The following SMARCC2 variants were observed in gnomAD, a reference collection of about 807,000 sequenced individuals.
SMARCC2 encodes the protein SWI/SNF related BAF chromatin remodeling complex subunit C2, also known as SWI/SNF complex subunit SMARCC2.
Under a neutral mutation model 151.3 loss-of-function variants are expected in SMARCC2, and 15 were observed. The observed-to-expected ratio is 0.10, with a 90% CI of 0.07 to 0.15. SMARCC2 has a LOEUF of 0.15. Ranked by LOEUF, SMARCC2 falls within the 10% of genes least tolerant of loss-of-function variation. The pLI, the probability that SMARCC2 is intolerant of heterozygous loss-of-function variation, is 1.00. For synonymous variants in SMARCC2, 590 were observed against 609.5 expected (o/e 0.97, Z 0.47); for missense variants, 1,031 against 1,599.7 (o/e 0.64, Z 6.06).
In SMARCC2 at chr12:56,173,808, T is replaced by G; in HGVS notation, c.1538A>C (p.Gln513Pro). The change falls in exon 17 of 29, where the codon CAG (glutamine) becomes CCG (proline). Residue 513 changes from glutamine to proline, a missense_variant. Gln to Pro is a moderately conservative substitution (Grantham distance 76). Transcript: ENST00000550164. ...GGTTGGTCGACTCTCAGCATCCACC[T>G]GGTAGTTAATAAGACCCCACTGTTC... ...FLEQWGLINY[Q>P]VDAESRPTPM... is the part of the protein sequence containing the mutation. The G allele has an allele frequency of 6.2e-7, 1 of 1,613,994 alleles. No individual in the cohort carries two copies. The highest frequency in any genetic ancestry group is 8.5e-7 in the Non-Finnish European group (1 of 1,179,918).
intron 20 of SMARCC2, chr12:56,172,184 C>T: frequency 1.8e-6 from 1 of 551,902 alleles, no homozygotes; most frequent in Non-Finnish European, 3.1e-6. Flanking sequence ...TAGGCTCAAG[C>T]AATCCTCCCA....
chr12:56,189,282 C>T, intron 1 of SMARCC2, 69 bp downstream of exon 1: 2 of 989,030 alleles, frequency 2.0e-6, no homozygotes, highest in Non-Finnish European at 2.9e-6. Context: ...GGCAGGATCC[C>T]GGGGCTGCAG....
Position 56,176,644 on chromosome 12 carries a change from A to AT in SMARCC2, c.1382+1377dup, listed in dbSNP as rs1177725229. 7.2e-3 allele frequency among the ~76,000 whole-genome samples: 754 copies of AT among 104,140 alleles called. 4 individuals carry two copies. Among genetic ancestry groups the AT allele is most frequent in the Middle Eastern group, 0.018 (2 of 114 alleles). 68.3% of individuals were successfully genotyped at this position (104,140 alleles called of 152,430 possible). ...AGGCGCCTGCCACCACGCCCAGCTA[A>AT]TTTTTTTTTTTTTTGAGACGGAGTC... On this transcript the variant is annotated intron_variant, in intron 15 of 28. Coordinates refer to ENST00000550164, the MANE Select transcript of SMARCC2 (RefSeq NM_001330288.2).
intron 18 of SMARCC2, 60 bp downstream of exon 18, chr12:56,172,877 G>C: frequency 3.1e-6 from 5 of 1,591,566 alleles, no homozygotes; most frequent in Non-Finnish European, 4.3e-6. Context: ...TTCTTCCCGG[G>C]CAGGGGCCCC....
chr12:56,184,596 G>T, intron 5 of SMARCC2: 1 of 552,860 alleles, frequency 1.8e-6, no homozygotes, highest in African/African-American at 1.9e-5. Context: ...TAGCTCAGTA[G>T]AAGTGGATAC....
In SMARCC2 at chr12:56,174,738, A is replaced by G. The variant is rs1278976107; in HGVS notation, c.1409T>C (p.Ile470Thr). ...EIYLAYRNFMIDTYRLNPQEY... is the reference protein window; with the variant it reads ...EIYLAYRNFMTDTYRLNPQEY... ...TTGGGGGTTCAGTCGGTAAGTGTCA[A>G]TCATAAAGTTTCGATAGGCCAGGTA... The change falls in exon 16 of 29, where the codon ATT becomes ACT. Residue 470 changes from isoleucine to threonine, a missense_variant. Physicochemically the swap from Ile to Thr is moderately conservative, Grantham distance 89 (BLOSUM62 -1). Transcript: ENST00000550164. 7.4e-6 allele frequency: 12 copies of G among 1,613,686 alleles called. No homozygotes were observed. The highest frequency in any genetic ancestry group is 9.3e-6 in the Non-Finnish European group (11 of 1,179,722).
At position 56,164,440 on chromosome 12, in the gene SMARCC2, T is replaced by C; in HGVS notation, c.3524A>G (p.His1175Arg). 1.2e-6 allele frequency: 2 copies of C among 1,613,456 alleles called. No homozygotes were observed. Among genetic ancestry groups the C allele is most frequent in the Non-Finnish European group, 8.5e-7 (1 of 1,179,864 alleles). Reference sequence around the variant, plus strand: ...GGTGGTGGTCGCCGGCAGGTTAGGATGTAGAGGGTTCGCCATGGACACAGG... The same window carrying C: ...GGTGGTGGTCGCCGGCAGGTTAGGACGTAGAGGGTTCGCCATGGACACAGG... The part of the protein sequence containing the change: ...NLPVSMANPL[H>R]PNLPATTTMP... Residue 1175 changes from histidine to arginine, a missense_variant, in exon 28 of 29, where the codon CAT (histidine) becomes CGT (arginine). His to Arg is a conservative substitution (Grantham distance 29). Around this residue, in one of 12 missense-constraint regions of SMARCC2, gnomAD observed 310 missense variants for 350.0 expected, o/e 0.89. Transcript: ENST00000550164.
chr12:56,175,872 T>C (rs1874855719), intron 15 of SMARCC2, among the ~76,000 whole-genome samples: 1 of 152,192 alleles, frequency 6.6e-6, no homozygotes, highest in South Asian at 2.1e-4. Context: ...ATTTTTTTTT[T>C]TCTGAGATGG....
At chr12:56,167,788 G>A (rs1254876758) in intron 26 of SMARCC2, among the ~76,000 whole-genome samples, 2 of 151,896 alleles carry the variant, frequency 1.3e-5, no homozygotes, top group African/African-American at 2.4e-5. Flanking sequence ...CCACTTAACT[G>A]TCTCTAACTG....
chr12:56,181,247 A>C, intron 10 of SMARCC2, 146 bp from the exon 11 acceptor site: 1 of 781,472 alleles, frequency 1.3e-6, no homozygotes, highest in Non-Finnish European at 2.0e-6. Flanking sequence ...CAGTAATGGG[A>C]AGTGGCAAAG....
Position 56,185,059 on chromosome 12 carries a change from A to G in SMARCC2, c.370T>C (p.Phe124Leu). ...PSRMDRNVEMFMTIEKSLVQN... is the reference protein window; with the variant it reads ...PSRMDRNVEMLMTIEKSLVQN... ...ACCAAGGACTTCTCAATGGTCATAA[A>G]CATTTCCACATTGCGGTCCATGCGT... The change falls in exon 4 of 29, where the codon TTT (phenylalanine) becomes CTT (leucine). Residue 124 changes from phenylalanine (F) to leucine (L), a missense_variant. Physicochemically the swap from Phe to Leu is conservative, Grantham distance 22. Transcript: ENST00000550164. 6.2e-7 allele frequency: 1 copy of G among 1,614,116 alleles called. No homozygotes were observed. Among genetic ancestry groups the G allele is most frequent in the Non-Finnish European group, 8.5e-7 (1 of 1,179,994 alleles).
At position 56,171,504 on chromosome 12, in the gene SMARCC2, A is replaced by T; in HGVS notation, c.2186-72T>A. 1 of 1,591,000 alleles carries T rather than the reference A, an allele frequency of 6.3e-7. No homozygotes were observed. Among genetic ancestry groups the T allele is most frequent in the Non-Finnish European group, 8.6e-7 (1 of 1,161,342 alleles). On this transcript the variant is annotated intron_variant, in intron 21 of 28. Transcript: ENST00000550164. The surrounding 1 kb of genome is among the most constrained non-coding windows in gnomAD (Gnocchi z 4.2). The stretch of plus-strand genomic sequence containing the variant: ...GTTCTGGCAATCCCTGCAAAAGCTT[A>T]CTCACAAGCCCATGTCTTCATCTAA...
chr12:56,167,396 TCTCA>T (rs1483517534), intron 26 of SMARCC2, among the ~76,000 whole-genome samples: 1 of 152,146 alleles, frequency 6.6e-6, no homozygotes, highest in Non-Finnish European at 1.5e-5. Flanking sequence ...GAGACAGAGA[TCTCA>T]CTATGTTACC....
At chr12:56,176,030 TG>T (rs1874894928) in intron 15 of SMARCC2, among the ~76,000 whole-genome samples, 3 of 152,144 alleles carry the variant, frequency 2.0e-5, no homozygotes, top group Admixed American at 2.0e-4. Context: ...AGCTAATTTT[TG>T]TATTTTTAGT....
In SMARCC2 at chr12:56,173,889, C is replaced by G. The variant is rs751053866; in HGVS notation, c.1497-40G>C. 1.9e-6 allele frequency: 3 copies of G among 1,574,554 alleles called. No homozygotes were observed. In the African/African-American group the frequency reaches 4.1e-5, roughly 21 times the overall value. ...GCAGAGACAGGGTCACACGGATAGC[C>G]AGAAAGGTGCACGAGGAAGAGGAAA... On this transcript the variant is annotated intron_variant, in intron 16 of 28. Transcript: ENST00000550164.
chr12:56,182,347 C>G (rs1163383937), intron 7 of SMARCC2, among the ~76,000 whole-genome samples: 1 of 148,628 alleles, frequency 6.7e-6, no homozygotes, highest in African/African-American at 2.5e-5. Flanking sequence ...GATACAGAGT[C>G]TTGCTCTTGC....
chr12:56,176,409 T>C (rs1874974667), intron 15 of SMARCC2, among the ~76,000 whole-genome samples: 1 of 152,242 alleles, frequency 6.6e-6, no homozygotes, highest in Admixed American at 6.5e-5. Context: ...TGTGGTTATC[T>C]TGAAGTATTC....
Position 56,173,798 on chromosome 12 carries a change from A to G in SMARCC2, c.1548T>C (p.Ala516=), listed in dbSNP as rs748353744. ...QWGLINYQVD[A]ESRPTPMGPP... The stretch of plus-strand genomic sequence containing the variant: ...GCCCCATTGGGGTTGGTCGACTCTC[A>G]GCATCCACCTGGTAGTTAATAAGAC... Residue 516 remains alanine, a synonymous_variant, in exon 17 of 29, where the codon GCT becomes GCC. Coordinates refer to ENST00000550164, the MANE Select transcript of SMARCC2 (RefSeq NM_001330288.2). 6.2e-7 allele frequency: 1 copy of G among 1,614,062 alleles called. No homozygotes were observed. The highest frequency in any genetic ancestry group is 1.1e-5 in the South Asian group (1 of 91,082).
intron 27 of SMARCC2, 134 bp downstream of exon 27, chr12:56,165,184 T>TA (rs1872549650): frequency 8.6e-7 from 1 of 1,167,060 alleles, no homozygotes; most frequent in African/African-American, 1.6e-5. Flanking sequence ...TTTAGGGGCC[T>TA]AAGAGAGATG....
Sources: gnomAD v4.1 joint callset for allele counts (sites outside exome capture counted in the v4.1 genomes callset) on GRCh38, gnomAD v4.1.1 for gene constraint, gnomAD v4.1.1 regional missense constraint, Gnocchi (gnomAD v3.1) non-coding constraint, MANE v1.5 for transcripts, NCBI Gene and HGNC (gene_info 2026-07-23, HGNC 2026-07-21) for gene names.